The following TYW1B variants were observed in gnomAD, a reference collection of about 807,000 sequenced individuals.
TYW1B encodes S-adenosyl-L-methionine-dependent tRNA 4-demethylwyosine synthase TYW1B.
A neutral mutation model predicts 86.9 loss-of-function variants in TYW1B; 73 were observed. The ratio of observed to expected loss-of-function variants is 0.84; its 90% CI spans 0.70 to 1.02. TYW1B has a LOEUF of 1.02. TYW1B is among the 50% of genes least tolerant of loss of function. TYW1B has a pLI of 0.00. For missense variants in TYW1B, 637 were observed against 827.4 expected, an observed-to-expected ratio of 0.77 and a Z score of 2.82; for synonymous variants, 248 against 292.8, an observed-to-expected ratio of 0.85 and a Z score of 1.56.
intron 8 of TYW1B, among the ~76,000 whole-genome samples, chr7:72,738,690 C>T (rs35841179): frequency 1.3e-5 from 2 of 152,016 alleles, no homozygotes; most frequent in Non-Finnish European, 2.9e-5. Flanking sequence ...TGAGAACCAC[C>T]GATTTAACAG....
intron 11 of TYW1B, among the ~76,000 whole-genome samples, chr7:72,693,409 C>CTTTTTT (rs35021264): frequency 7.7e-6 from 1 of 129,450 alleles, no homozygotes; most frequent in Non-Finnish European, 1.6e-5. Flanking sequence ...TTGCAGACAT[C>CTTTTTT]TTTTTTTTTT....
chr7:72,601,759 A>T (rs1554433792), intron 13 of TYW1B, among the ~76,000 whole-genome samples: 1 of 151,844 alleles, frequency 6.6e-6, no homozygotes, highest in Non-Finnish European at 1.5e-5. Context: ...GTGAAAAAAA[A>T]AAAAGGTTAA....
At chr7:72,814,681 G>A (rs1788688464) in intron 3 of TYW1B, among the ~76,000 whole-genome samples, 2 of 152,068 alleles carry the variant, frequency 1.3e-5, no homozygotes. Context: ...AGGATCACTT[G>A]AGCCCGGGAG....
At chr7:72,653,862 A>C (rs1358699441) in intron 11 of TYW1B, among the ~76,000 whole-genome samples, 2 of 152,108 alleles carry the variant, frequency 1.3e-5, no homozygotes, top group Non-Finnish European at 2.9e-5. Flanking sequence ...CGGGTGGATC[A>C]CAAGGTCAGG....
chr7:72,630,231 A>G (rs1234028349), intron 11 of TYW1B, among the ~76,000 whole-genome samples: 1 of 152,146 alleles, frequency 6.6e-6, no homozygotes, highest in Non-Finnish European at 1.5e-5. Context: ...GTGAGCTGAG[A>G]TCATGCCACT....
Position 72,752,724 on chromosome 7 carries a change from C to T in TYW1B, c.965-8123G>A, listed in dbSNP as rs549563096. On this transcript the variant is annotated intron_variant, in intron 7 of 13. Coordinates refer to ENST00000620995, the MANE Select transcript of TYW1B (RefSeq NM_001145440.3). The stretch of plus-strand genomic sequence containing the variant: ...CCAGCCTGGGCGACAGAATGAGACT[C>T]CGTCTCAAAAACAAACAAACAAACA... 3.5e-3 allele frequency among the ~76,000 whole-genome samples: 414 copies of T among 118,198 alleles called. 2 individuals are homozygous for T. Among genetic ancestry groups the T allele is most frequent in the African/African-American group, 0.011 (372 of 34,132 alleles). The allele number at this position is 118,198 out of a possible 152,430, so 77.5% of individuals were successfully genotyped here. A position where few individuals can be genotyped will look rare whatever the true frequency, so the allele number is the denominator to read the frequency against.
In TYW1B at chr7:72,685,210, C is replaced by T. The variant is rs1212789818; in HGVS notation, c.1506+9477G>A. Among the ~76,000 whole-genome samples the T allele has an allele frequency of 6.6e-5, 10 of 150,868 alleles. No homozygotes were observed. In the South Asian group the frequency reaches 1.0e-3, roughly 16 times the overall value. On this transcript the variant is annotated intron_variant, in intron 11 of 13. Coordinates refer to ENST00000620995, the MANE Select transcript of TYW1B (RefSeq NM_001145440.3). ...GTTCTTTGAAAATGGACTTCAATTA[C>T]TAGTAGACCTATATTACAAACTCTA...
chr7:72,706,184 T>C (rs1342597211), intron 10 of TYW1B, among the ~76,000 whole-genome samples: 1 of 152,046 alleles, frequency 6.6e-6, no homozygotes, highest in Non-Finnish European at 1.5e-5. Context: ...ATCCCAGCAC[T>C]TTGGGAGGCC....
intron 11 of TYW1B, among the ~76,000 whole-genome samples, chr7:72,659,211 G>A (rs1300960616): frequency 6.6e-6 from 1 of 152,218 alleles, no homozygotes; most frequent in Admixed American, 6.5e-5. Context: ...GAGCTAGCAA[G>A]GAGGAAGGCA....
intron 13 of TYW1B, among the ~76,000 whole-genome samples, chr7:72,614,046 G>A (rs1357819324): frequency 6.6e-6 from 1 of 151,866 alleles, no homozygotes; most frequent in Non-Finnish European, 1.5e-5. Flanking sequence ...GAGAGAGAAC[G>A]AGAGAGAACG....
At chr7:72,594,183 A>G (rs1384139534) in intron 13 of TYW1B, among the ~76,000 whole-genome samples, 1 of 152,118 alleles carries the variant, frequency 6.6e-6, no homozygotes, top group Non-Finnish European at 1.5e-5. Context: ...AACAAAATAG[A>G]GAATAGAAAA....
chr7:72,787,356 G>A (rs1408239831), intron 6 of TYW1B, among the ~76,000 whole-genome samples: 3 of 151,974 alleles, frequency 2.0e-5, no homozygotes, highest in East Asian at 3.9e-4. Context: ...CTAGCTACTC[G>A]GGAGGCTGGG....
rs578177063 is a variant in TYW1B at position 72,711,234 on chromosome 7, CGCGCAGAAAG to C, written c.1370+2377_1370+2386del. Reference sequence around the variant, plus strand: ...AAAGCAGACTCGGGGCTATGCCTGCCGCGCAGAAAGATATATGGGAACAGACACACACCTC... The same window carrying C: ...AAAGCAGACTCGGGGCTATGCCTGCCATATATGGGAACAGACACACACCTC... On this transcript the variant is annotated intron_variant, in intron 10 of 13. Coordinates refer to ENST00000620995, the MANE Select transcript of TYW1B (RefSeq NM_001145440.3). Among the ~76,000 whole-genome samples the C allele has an allele frequency of 4.0e-3, 612 of 152,158 alleles. 3 individuals are homozygous for C. The highest frequency in any genetic ancestry group is 0.014 in the African/African-American group (581 of 41,498).
At chr7:72,598,450 C>T (rs367552132) in intron 13 of TYW1B, among the ~76,000 whole-genome samples, 1 of 152,048 alleles carries the variant, frequency 6.6e-6, no homozygotes, top group East Asian at 1.9e-4. Flanking sequence ...TATTACACAA[C>T]AAAATCCAAA....
At chr7:72,747,063 T>C (rs1787408208) in intron 7 of TYW1B, among the ~76,000 whole-genome samples, 1 of 152,170 alleles carries the variant, frequency 6.6e-6, no homozygotes, top group Admixed American at 6.6e-5. Flanking sequence ...GGATATCTAA[T>C]TGCTCCACCA....
At chr7:72,785,767 T>C (rs1261259942) in intron 6 of TYW1B, among the ~76,000 whole-genome samples, 1 of 152,112 alleles carries the variant, frequency 6.6e-6, no homozygotes, top group Non-Finnish European at 1.5e-5. Flanking sequence ...TGGTGTGTCA[T>C]GGATGATCAT....
chr7:72,651,210 C>T (rs1554442735), intron 11 of TYW1B, among the ~76,000 whole-genome samples: 1 of 152,124 alleles, frequency 6.6e-6, no homozygotes, highest in African/African-American at 2.4e-5. Flanking sequence ...TTATGAGAGG[C>T]AACCATTACA....
At chr7:72,783,711 G>A (rs545817138) in intron 6 of TYW1B, among the ~76,000 whole-genome samples, 12 of 152,304 alleles carry the variant, frequency 7.9e-5, no homozygotes, top group Non-Finnish European at 1.5e-4. Context: ...GCCCAAGCAC[G>A]TCAAGAGCTT....
intron 11 of TYW1B, among the ~76,000 whole-genome samples, chr7:72,655,959 C>A (rs1342947243): frequency 2.6e-5 from 4 of 152,174 alleles, no homozygotes; most frequent in African/African-American, 7.2e-5. Flanking sequence ...GCCTAAGAAC[C>A]CACAGGCCCA....
Sources: allele counts gnomAD v4.1 joint callset (sites outside exome capture counted in the v4.1 genomes callset), GRCh38; gene constraint gnomAD v4.1.1; transcripts MANE v1.5; gene names NCBI Gene and HGNC (gene_info 2026-07-23, HGNC 2026-07-21).